SLC2A12: variants seen among roughly 807,000 people sequenced by gnomAD.
SLC2A12 encodes solute carrier family 2, facilitated glucose transporter member 12.
SLC2A12 carries 23 observed loss-of-function variants against 41.8 expected under a neutral mutation model. The ratio of observed to expected loss-of-function variants is 0.55; its 90% CI spans 0.40 to 0.78. SLC2A12 has a LOEUF of 0.78. SLC2A12 is among the 30% of genes least tolerant of loss of function. The pLI is 0.00. For synonymous variants in SLC2A12, 295 were observed against 285.9 expected (o/e 1.03, Z -0.32); for missense variants, 654 against 745.6 (o/e 0.88, Z 1.43).
At chr6:134,029,834 C>T (rs1010321710) in intron 1 of SLC2A12, 113 bp from the exon 2 acceptor site, 30 of 1,265,378 alleles carry the variant, frequency 2.4e-5, no homozygotes, top group East Asian at 7.2e-5. Context: ...TGGGTTTAAA[C>T]GAACACACAA....
chr6:134,049,007 C>T (rs180869137), intron 1 of SLC2A12, among the ~76,000 whole-genome samples: 22 of 152,262 alleles, frequency 1.4e-4, no homozygotes, highest in Admixed American at 4.6e-4. Context: ...AAGCTAAACC[C>T]GGGAGAACAG....
chr6:134,040,066 T>TG (rs1002786609), intron 1 of SLC2A12, among the ~76,000 whole-genome samples: 9 of 146,998 alleles, frequency 6.1e-5, no homozygotes, highest in South Asian at 2.1e-4. Flanking sequence ...TTGTTTTTTT[T>TG]TTTTTGTTTT....
intron 2 of SLC2A12, among the ~76,000 whole-genome samples, chr6:134,023,716 A>G (rs569589790): frequency 6.6e-6 from 1 of 152,310 alleles, no homozygotes; most frequent in Non-Finnish European, 1.5e-5. Flanking sequence ...CTCACCTCTT[A>G]TTTTAGATGG....
At chr6:134,026,082 T>C (rs1777108772) in intron 2 of SLC2A12, among the ~76,000 whole-genome samples, 1 of 152,206 alleles carries the variant, frequency 6.6e-6, no homozygotes, top group African/African-American at 2.4e-5. Context: ...TCATAATATG[T>C]GCCATGACAT....
intron 4 of SLC2A12, among the ~76,000 whole-genome samples, chr6:133,996,143 C>T (rs377328053): frequency 1.3e-5 from 2 of 152,140 alleles, no homozygotes; most frequent in South Asian, 2.1e-4. Flanking sequence ...AGTAGATGCT[C>T]GATAAATATT....
intron 1 of SLC2A12, among the ~76,000 whole-genome samples, chr6:134,048,448 T>C (rs936772510): frequency 3.3e-5 from 5 of 151,934 alleles, no homozygotes; most frequent in Admixed American, 3.3e-4. Context: ...AATACAAAAA[T>C]TAGCCAGCTG....
chr6:134,022,584 A>AAAAG (rs1368984036), intron 2 of SLC2A12, among the ~76,000 whole-genome samples: 2 of 132,192 alleles, frequency 1.5e-5, no homozygotes, highest in Non-Finnish European at 3.3e-5. Context: ...AAAAGAAAAG[A>AAAAG]AAAGAAAAGA....
Position 133,988,158 on chromosome 6 carries a change from T to A in SLC2A12, c.*2997A>T, listed in dbSNP as rs1776564709. ...ACTTGAATTTGAAAGCCATTTTGTG[T>A]GATACTGTCCTTCCCCTTGCTGTAT... is the stretch of plus-strand genomic sequence containing the variant. On this transcript the variant is annotated 3_prime_UTR_variant, in exon 5 of 5. Coordinates refer to ENST00000275230, the MANE Select transcript of SLC2A12 (RefSeq NM_145176.3). 6.6e-6 allele frequency: 1 copy of A among 152,214 alleles called. No individual in the cohort carries two copies. The highest frequency in any genetic ancestry group is 1.5e-5 in the Non-Finnish European group (1 of 68,032). 9.4% of individuals were successfully genotyped at this position (152,214 alleles called of 1,614,324 possible). A position where few individuals can be genotyped will look rare whatever the true frequency, so the allele number is the denominator to read the frequency against.
At chr6:134,041,122 T>G (rs1251003843) in intron 1 of SLC2A12, among the ~76,000 whole-genome samples, 2 of 152,196 alleles carry the variant, frequency 1.3e-5, no homozygotes, top group African/African-American at 4.8e-5. Flanking sequence ...CATTCCTGGA[T>G]TATTTAAAGC....
At chr6:134,006,284 GT>G (rs1450621543) in intron 3 of SLC2A12, among the ~76,000 whole-genome samples, 1 of 149,628 alleles carries the variant, frequency 6.7e-6, no homozygotes. Flanking sequence ...TAAATCATTT[GT>G]TTTTTAATAG....
rs1182292632 is a variant in SLC2A12, at chr6:134,028,615, G to T, written c.1210C>A (p.Leu404Ile). The change falls in exon 2 of 5, where the codon CTC becomes ATC. Residue 404 changes from leucine to isoleucine, a missense_variant. Coordinates refer to ENST00000275230, the MANE Select transcript of SLC2A12 (RefSeq NM_145176.3). ...GAAATCCCTTTGAAGTGGTCTCTGA[G>T]AGTATTGTTGTTGGTTGACAGGTTT... is the stretch of plus-strand genomic sequence containing the variant. ...PGNLSTNNNT[L>I]RDHFKGISSH... The T allele has an allele frequency of 6.2e-7, 1 of 1,614,080 alleles. No individual in the cohort carries two copies. Among genetic ancestry groups the T allele is most frequent in the Non-Finnish European group, 8.5e-7 (1 of 1,180,038 alleles).
At chr6:134,029,867 C>A (rs1777177881) in intron 1 of SLC2A12, 146 bp from the exon 2 acceptor site, 4 of 1,052,528 alleles carry the variant, frequency 3.8e-6, no homozygotes, top group East Asian at 2.6e-5. Flanking sequence ...AATACACTAA[C>A]CAAAAAATGA....
At chr6:134,038,525 T>G (rs139175960) in intron 1 of SLC2A12, among the ~76,000 whole-genome samples, 300 of 150,178 alleles carry the variant, frequency 2.0e-3, no homozygotes, top group Non-Finnish European at 3.3e-3. Flanking sequence ...CCACACCCCC[T>G]ATTTTTGTAT....
intron 2 of SLC2A12, among the ~76,000 whole-genome samples, chr6:134,017,809 G>A (rs912214793): frequency 6.6e-6 from 1 of 151,368 alleles, no homozygotes; most frequent in Non-Finnish European, 1.5e-5. Flanking sequence ...AGCCGAGATC[G>A]CGCCACTGCA....
intron 2 of SLC2A12, among the ~76,000 whole-genome samples, chr6:134,012,112 G>A (rs1282823434): frequency 6.6e-6 from 1 of 152,158 alleles, no homozygotes; most frequent in Non-Finnish European, 1.5e-5. Context: ...CAGTGATGTG[G>A]TTGCTTTAAT....
intron 1 of SLC2A12, among the ~76,000 whole-genome samples, chr6:134,045,456 C>A (rs1354235709): frequency 6.6e-6 from 1 of 152,190 alleles, no homozygotes; most frequent in East Asian, 1.9e-4. Context: ...AGGTGAAGAA[C>A]AGTGTGGAAT....
intron 1 of SLC2A12, among the ~76,000 whole-genome samples, chr6:134,047,510 T>C (rs143717406): frequency 1.3e-5 from 2 of 152,336 alleles, no homozygotes; most frequent in African/African-American, 2.4e-5. Flanking sequence ...TATCTACACA[T>C]GCAAATCTCA....
chr6:134,005,655 G>C (rs778047729), intron 3 of SLC2A12, among the ~76,000 whole-genome samples: 3 of 63,632 alleles, frequency 4.7e-5, no homozygotes, highest in African/African-American at 7.5e-5. Flanking sequence ...GTGAGACTCT[G>C]TCTTAAAAAA....
chr6:134,047,218 G>GA (rs1777469922), intron 1 of SLC2A12, among the ~76,000 whole-genome samples: 1 of 152,088 alleles, frequency 6.6e-6, no homozygotes, highest in Non-Finnish European at 1.5e-5. Context: ...CTGTTCATGA[G>GA]AAAAAATACT....
Sources: gnomAD v4.1 joint callset for allele counts (sites outside exome capture counted in the v4.1 genomes callset) on GRCh38, gnomAD v4.1.1 for gene constraint, MANE v1.5 for transcripts, NCBI Gene and HGNC (gene_info 2026-07-23, HGNC 2026-07-21) for gene names.